SEMA3D: variants seen among roughly 807,000 people sequenced by gnomAD.
SEMA3D encodes semaphorin 3D.
Under a neutral mutation model 100.1 loss-of-function variants are expected in SEMA3D, and 84 were observed. The ratio of observed to expected loss-of-function variants is 0.84; its 90% CI spans 0.70 to 1.01. SEMA3D has a LOEUF of 1.01. Among genes scored for constraint, SEMA3D ranks in the 50% least tolerant of loss-of-function variants. The probability of loss-of-function intolerance (pLI) is 0.00; values close to 1 mark genes in which losing one functional copy is unlikely to be tolerated. For missense variants in SEMA3D, 875 were observed against 934.1 expected, an observed-to-expected ratio of 0.94 and a Z score of 0.82; for synonymous variants, 312 against 320.7, an observed-to-expected ratio of 0.97 and a Z score of 0.29.
chr7:85,180,843 A>G (rs192826540), intron 1 of SEMA3D, among the ~76,000 whole-genome samples: 15 of 152,146 alleles, frequency 9.9e-5, no homozygotes, highest in African/African-American at 3.1e-4. Flanking sequence ...AGTTTCTCAG[A>G]CTTTCCTTGC....
intron 5 of SEMA3D, among the ~76,000 whole-genome samples, chr7:85,080,702 C>A (rs191219176): frequency 6.6e-6 from 1 of 152,202 alleles, no homozygotes; most frequent in Non-Finnish European, 1.5e-5. Context: ...AATATCTGTC[C>A]TGAATCAGAG....
At chr7:85,227,108 T>A in the SEMA3D span, among the ~76,000 whole-genome samples, 1 of 152,218 alleles carries the variant, frequency 6.6e-6, no homozygotes, top group Admixed American at 6.5e-5. Context: ...TATTTATATT[T>A]TTTGCTGAAT....
intron 9 of SEMA3D, among the ~76,000 whole-genome samples, chr7:85,053,498 T>C (rs1791225051): frequency 6.6e-6 from 1 of 152,048 alleles, no homozygotes; most frequent in Admixed American, 6.6e-5. Context: ...CTTTTTTTGT[T>C]ATTGCTAAAG....
intron 9 of SEMA3D, among the ~76,000 whole-genome samples, chr7:85,054,405 A>G (rs1791250714): frequency 6.6e-6 from 1 of 152,078 alleles, no homozygotes; most frequent in Non-Finnish European, 1.5e-5. Context: ...ACACTAACAC[A>G]TTAGGACTAC....
intron 12 of SEMA3D, among the ~76,000 whole-genome samples, chr7:85,031,303 A>AT (rs1490822467): frequency 1.3e-5 from 2 of 152,124 alleles, no homozygotes; most frequent in Non-Finnish European, 2.9e-5. Context: ...TGTAAAAACA[A>AT]TTTTTTAAAA....
At chr7:85,013,995 A>T (rs1195082900) in intron 16 of SEMA3D, among the ~76,000 whole-genome samples, 7 of 151,792 alleles carry the variant, frequency 4.6e-5, no homozygotes, top group Non-Finnish European at 8.8e-5. Context: ...AATGTGGGTG[A>T]CTTTTAACTT....
chr7:85,184,653 T>C (rs993583095), intron 1 of SEMA3D, among the ~76,000 whole-genome samples: 1 of 152,248 alleles, frequency 6.6e-6, no homozygotes, highest in South Asian at 2.1e-4. Context: ...CATTTCACAA[T>C]TGGGCAAATT....
chr7:85,180,167 A>G (rs1791361247), intron 1 of SEMA3D, among the ~76,000 whole-genome samples: 1 of 152,198 alleles, frequency 6.6e-6, no homozygotes, highest in Admixed American at 6.5e-5. Flanking sequence ...GAGGGACCTC[A>G]TGTGAGGTGA....
intron 1 of SEMA3D, among the ~76,000 whole-genome samples, chr7:85,179,662 C>CTT (rs145786339): frequency 2.2e-5 from 3 of 137,692 alleles, no homozygotes; most frequent in Admixed American, 7.3e-5. Flanking sequence ...TGGACTTGAA[C>CTT]TTTTTTTTTT....
intron 3 of SEMA3D, among the ~76,000 whole-genome samples, chr7:85,120,823 C>T (rs918156073): frequency 2.6e-5 from 4 of 151,860 alleles, no homozygotes; most frequent in Admixed American, 2.0e-4. Context: ...TACATAAGAA[C>T]TCAAAAATAC....
chr7:85,123,523 C>G (rs533840252), intron 2 of SEMA3D, among the ~76,000 whole-genome samples: 1 of 152,154 alleles, frequency 6.6e-6, no homozygotes, highest in Non-Finnish European at 1.5e-5. Flanking sequence ...CTTTGAATAT[C>G]AAGATTTCAG....
At chr7:85,133,877 A>C (rs1789791105) in intron 2 of SEMA3D, among the ~76,000 whole-genome samples, 1 of 152,000 alleles carries the variant, frequency 6.6e-6, no homozygotes, top group Non-Finnish European at 1.5e-5. Context: ...TGTTAGCTTA[A>C]TGGTCTTCCA....
At chr7:85,013,595 C>A (rs888184556) in intron 16 of SEMA3D, among the ~76,000 whole-genome samples, 1 of 151,708 alleles carries the variant, frequency 6.6e-6, no homozygotes, top group African/African-American at 2.4e-5. Flanking sequence ...TATTTTGTCA[C>A]TTCAGAGATC....
In SEMA3D at chr7:84,997,459, A is replaced by G. The variant is rs1789534163; in HGVS notation, c.*1981T>C. ...TCATGCCACACTGTTCTTCTGAATT[A>G]CTTTTTAAATGAGTGATTTGTTCTG... On this transcript the variant is annotated 3_prime_UTR_variant, in exon 19 of 19. Coordinates refer to ENST00000284136, the MANE Select transcript of SEMA3D (RefSeq NM_001384900.1). 6.6e-6 allele frequency: 1 copy of G among 152,130 alleles called. No homozygotes were observed. The highest frequency in any genetic ancestry group is 1.5e-5 in the Non-Finnish European group (1 of 67,966). The allele number at this position is 152,130 out of a possible 1,614,324, so 9.4% of individuals were successfully genotyped here.
the SEMA3D span, among the ~76,000 whole-genome samples, chr7:85,222,297 T>A: frequency 6.9e-6 from 1 of 143,938 alleles, no homozygotes; most frequent in African/African-American, 2.9e-5. Context: ...AATTTCAAAT[T>A]AACATGAAAA....
chr7:85,014,626 G>T (rs17558985), intron 16 of SEMA3D, among the ~76,000 whole-genome samples: 12,100 of 151,666 alleles, frequency 0.08, 679 homozygotes, highest in Non-Finnish European at 0.12. Flanking sequence ...AAGTCACTAG[G>T]CTGCACTGTG....
chr7:85,024,850 C>A (rs1048492239), intron 12 of SEMA3D, among the ~76,000 whole-genome samples: 2 of 151,740 alleles, frequency 1.3e-5, no homozygotes, highest in Admixed American at 6.6e-5. Flanking sequence ...GGAATTTTTG[C>A]GTTGATATCA....
intron 9 of SEMA3D, among the ~76,000 whole-genome samples, chr7:85,054,429 C>T (rs906391603): frequency 6.6e-6 from 1 of 152,070 alleles, no homozygotes; most frequent in Non-Finnish European, 1.5e-5. Flanking sequence ...AAACAACAGG[C>T]ATTCATCTCT....
intron 2 of SEMA3D, chr7:85,141,127 T>C (rs1433612875): frequency 2.0e-6 from 2 of 984,126 alleles, no homozygotes; most frequent in East Asian, 2.3e-4. Flanking sequence ...TTTTTATAGG[T>C]GATTTGTCCA....
Sources: allele counts gnomAD v4.1 joint callset (sites outside exome capture counted in the v4.1 genomes callset), GRCh38; gene constraint gnomAD v4.1.1; transcripts MANE v1.5; gene names NCBI Gene and HGNC (gene_info 2026-07-23, HGNC 2026-07-21).